KIAA1217: variants seen among roughly 807,000 people sequenced by gnomAD.
The protein encoded by KIAA1217 is KIAA1217.
Under a neutral mutation model 163.9 loss-of-function variants are expected in KIAA1217, and 88 were observed. The ratio of observed to expected loss-of-function variants is 0.54; its 90% confidence interval spans 0.45 to 0.64. The LOEUF (loss-of-function observed/expected upper bound fraction) is 0.64, where lower values mean the gene tolerates loss of function less well. KIAA1217 is among the 30% of genes least tolerant of loss of function. The pLI, the probability that KIAA1217 is intolerant of heterozygous loss-of-function variation, is 0.00. For missense variants in KIAA1217, 2,372 were observed against 2,475.0 expected, an observed-to-expected ratio of 0.96 and a Z score of 0.88; for synonymous variants, 903 against 923.1, an observed-to-expected ratio of 0.98 and a Z score of 0.39.
intron 1 of KIAA1217, among the ~76,000 whole-genome samples, chr10:23,799,512 G>C (rs982411617): frequency 1.3e-5 from 2 of 152,146 alleles, no homozygotes; most frequent in Non-Finnish European, 2.9e-5. Flanking sequence ...ACTTTGCAGA[G>C]CAGACTGTCA....
intron 2 of KIAA1217, among the ~76,000 whole-genome samples, chr10:24,245,857 C>G (rs2073738958): frequency 1.3e-5 from 2 of 151,626 alleles, no homozygotes; most frequent in South Asian, 4.2e-4. Flanking sequence ...AGGCTGGTCT[C>G]AGACTCCTGG....
intron 1 of KIAA1217, among the ~76,000 whole-genome samples, chr10:23,742,260 G>A (rs937051349): frequency 2.0e-5 from 3 of 152,150 alleles, no homozygotes; most frequent in African/African-American, 7.2e-5. Context: ...GAAGTGTGAG[G>A]GGTAGATGTC....
chr10:24,149,519 T>C (rs1288257334), intron 2 of KIAA1217, among the ~76,000 whole-genome samples: 2 of 152,046 alleles, frequency 1.3e-5, no homozygotes, highest in African/African-American at 2.4e-5. Flanking sequence ...AGAGTCAGCT[T>C]GTTCATAAAC....
At chr10:23,708,760 G>A (rs561602811) in intron 1 of KIAA1217, among the ~76,000 whole-genome samples, 1 of 152,264 alleles carries the variant, frequency 6.6e-6, no homozygotes, top group East Asian at 1.9e-4. Flanking sequence ...GCGTTTTAAA[G>A]GGGGACTAAT....
At position 24,473,976 on chromosome 10, in the gene KIAA1217, G is replaced by A. The variant is rs1484584246; in HGVS notation, c.1595G>A (p.Ser532Asn). 1 of 1,614,162 alleles carries A rather than the reference G, an allele frequency of 6.2e-7. No homozygotes were observed. The highest frequency in any genetic ancestry group is 1.7e-5 in the Admixed American group (1 of 60,018). Residue 532 changes from serine to asparagine, a missense_variant, in exon 6 of 21, where the codon AGC becomes AAC. By Grantham distance (46) the Ser-to-Asn change is conservative (BLOSUM62 1). Transcript: ENST00000376454. ...CCACGGAGCGCTGCAGGATTATCCA[G>A]CCTTGTAGACCTCGGCCCTCCTCTA... ...EKPRSAAGLS[S>N]LVDLGPPLME...
intron 2 of KIAA1217, among the ~76,000 whole-genome samples, chr10:24,223,380 CTT>C (rs1245076577): frequency 6.6e-6 from 1 of 152,160 alleles, no homozygotes. Context: ...CTTTTCCACT[CTT>C]TTTCTCCTAC....
In KIAA1217 at chr10:24,524,679, T is replaced by A. The variant is rs1332455033; in HGVS notation, c.2813T>A (p.Ile938Lys). ...QMSQAPQSPQIPMNGSAMQSL... is the reference protein window; with the variant it reads ...QMSQAPQSPQKPMNGSAMQSL... ...TCGCAGGCTCCGCAGTCCCCACAGATACCCATGAATGGGTCTGCCATGCAG... is the reference window on the plus strand; with the variant it reads ...TCGCAGGCTCCGCAGTCCCCACAGAAACCCATGAATGGGTCTGCCATGCAG... Residue 938 changes from isoleucine (I) to lysine (K), a missense_variant, in exon 13 of 21, where the codon ATA becomes AAA. This residue lies in a region of KIAA1217 where 1,431 missense variants were observed against 1,470.3 expected (regional missense o/e 0.97). Transcript: ENST00000376454. The A allele has an allele frequency of 1.2e-6, 2 of 1,614,026 alleles. No homozygotes were observed. The highest frequency in any genetic ancestry group is 1.7e-6 in the Non-Finnish European group (2 of 1,179,984).
intron 2 of KIAA1217, among the ~76,000 whole-genome samples, chr10:24,233,849 A>G (rs140656979): frequency 6.6e-6 from 1 of 152,298 alleles, no homozygotes; most frequent in African/African-American, 2.4e-5. Flanking sequence ...ACTTCTGAGC[A>G]AAGTATAACA....
intron 1 of KIAA1217, among the ~76,000 whole-genome samples, chr10:24,216,450 C>G (rs2068828591): frequency 6.6e-6 from 1 of 152,128 alleles, no homozygotes; most frequent in Admixed American, 6.5e-5. Flanking sequence ...AGGCTCAATC[C>G]TGTTAATTCA....
chr10:24,369,000 C>T lies in KIAA1217; in HGVS notation c.355-11869C>T, dbSNP rs1027478406. The T allele has an allele frequency of 3.5e-5, 10 of 285,606 alleles. No individual in the cohort carries two copies. In the South Asian group the frequency reaches 4.1e-4, roughly 12 times the overall value. 17.7% of individuals were successfully genotyped at this position (285,606 alleles called of 1,614,324 possible). ...AGAAAGGTTTCATATGGAGTTGCAC[C>T]GTGAGTTCATGGCAGGATTGGAGTC... is the stretch of plus-strand genomic sequence containing the variant. On this transcript the variant is annotated intron_variant, in intron 2 of 20. Coordinates refer to ENST00000376454, the MANE Select transcript of KIAA1217 (RefSeq NM_019590.5).
chr10:23,870,139 C>A (rs1840389076), intron 1 of KIAA1217, among the ~76,000 whole-genome samples: 1 of 152,062 alleles, frequency 6.6e-6, no homozygotes, highest in South Asian at 2.1e-4. Flanking sequence ...TAGGTAAAAT[C>A]CAGCTGGGCT....
At chr10:23,941,598 C>T (rs181227897) in intron 1 of KIAA1217, among the ~76,000 whole-genome samples, 6 of 152,184 alleles carry the variant, frequency 3.9e-5, no homozygotes, top group East Asian at 1.9e-4. Context: ...ATGACCATCT[C>T]GGGGAGGTGA....
Position 24,197,800 on chromosome 10 carries a change from C to A in KIAA1217, c.-170-21826C>A, listed in dbSNP as rs538759584. On this transcript the variant is annotated intron_variant, in intron 2 of 18. Coordinates refer to the KIAA1217 transcript ENST00000376462. Reference sequence around the variant, plus strand: ...ACACAGATTTATCTCAAACACAAATCTGATCATGTCCTTAGTCTGCTATTG... The same window carrying A: ...ACACAGATTTATCTCAAACACAAATATGATCATGTCCTTAGTCTGCTATTG... 1.4e-4 allele frequency among the ~76,000 whole-genome samples: 21 copies of A among 152,382 alleles called. No homozygotes were observed. In the South Asian group the frequency reaches 4.3e-3, roughly 32 times the overall value.
intron 2 of KIAA1217, among the ~76,000 whole-genome samples, chr10:24,362,667 G>A (rs1036240298): frequency 6.6e-6 from 1 of 152,122 alleles, no homozygotes; most frequent in Non-Finnish European, 1.5e-5. Context: ...TGCTTCCAGA[G>A]AGTCAAAATT....
chr10:23,892,852 G>C (rs553178813), intron 1 of KIAA1217, among the ~76,000 whole-genome samples: 2 of 151,778 alleles, frequency 1.3e-5, no homozygotes, highest in Non-Finnish European at 2.9e-5. Context: ...AACAAACCAC[G>C]ACCTGGTTGT....
chr10:23,912,849 C>T (rs1035074373), intron 1 of KIAA1217, among the ~76,000 whole-genome samples: 5 of 152,108 alleles, frequency 3.3e-5, no homozygotes, highest in Non-Finnish European at 5.9e-5. Context: ...AAACGGAGAG[C>T]AATCATTTAG....
chr10:24,087,286 G>T (rs997719439), intron 2 of KIAA1217, among the ~76,000 whole-genome samples: 8 of 152,136 alleles, frequency 5.3e-5, no homozygotes, highest in Non-Finnish European at 8.8e-5. Context: ...TTTAAGAATG[G>T]TCTGTTTTTA....
chr10:23,950,750 T>C (rs1004905025), intron 1 of KIAA1217, among the ~76,000 whole-genome samples: 1 of 152,142 alleles, frequency 6.6e-6, no homozygotes, highest in East Asian at 1.9e-4. Context: ...AGACGGTTTA[T>C]CACTATCTGA....
intron 2 of KIAA1217, among the ~76,000 whole-genome samples, chr10:24,294,214 GAAAT>G (rs1219091314): frequency 1.3e-5 from 1 of 77,522 alleles, no homozygotes; most frequent in Non-Finnish European, 2.8e-5. Context: ...AAAAAAAAAA[GAAAT>G]AGTTCCTTTC....
Sources: allele counts gnomAD v4.1 joint callset (sites outside exome capture counted in the v4.1 genomes callset), GRCh38; gene constraint gnomAD v4.1.1; regional missense constraint gnomAD v4.1.1; transcripts MANE v1.5; gene names NCBI Gene and HGNC (gene_info 2026-07-23, HGNC 2026-07-21).